SUSD6: variants seen among roughly 807,000 people sequenced by gnomAD.
The protein encoded by SUSD6 is sushi domain containing 6, also known as sushi domain-containing protein 6.
SUSD6 carries 16 observed loss-of-function variants against 28.4 expected under a neutral mutation model. That is an observed-to-expected ratio of 0.56 (90% CI 0.38 to 0.86). SUSD6 has a LOEUF of 0.86. Ranked by LOEUF, SUSD6 falls within the 40% of genes least tolerant of loss-of-function variation. SUSD6 has a pLI of 0.00. For synonymous variants in SUSD6, 147 were observed against 159.6 expected, an observed-to-expected ratio of 0.92 and a Z score of 0.59; for missense variants, 341 against 384.2, an observed-to-expected ratio of 0.89 and a Z score of 0.94.
chr14:69,647,594 A>G (rs1170507959), intron 1 of SUSD6, among the ~76,000 whole-genome samples: 1 of 152,044 alleles, frequency 6.6e-6, no homozygotes, highest in Non-Finnish European at 1.5e-5. Flanking sequence ...AAGGCTGAGG[A>G]TGTGTATTTA....
chr14:69,678,823 CAAAAG>C (rs1172657772), intron 2 of SUSD6, among the ~76,000 whole-genome samples: 2 of 152,068 alleles, frequency 1.3e-5, no homozygotes, highest in East Asian at 3.8e-4. Context: ...AAATAGTTAA[CAAAAG>C]AAAAGAAGTT....
At position 69,708,769 on chromosome 14, in the gene SUSD6, G is replaced by C. The variant is rs760114005; in HGVS notation, c.551G>C (p.Ser184Thr). ...LPSYEEAVYG[S>T]SGHCVPPADP... is the part of the protein sequence containing the mutation. The stretch of plus-strand genomic sequence containing the variant: ...TCATACGAGGAGGCTGTATATGGCA[G>C]TTCTGGTCACTGTGTGCCACCTGCT... Residue 184 changes from serine (S) to threonine (T), a missense_variant, in exon 5 of 6, where the codon AGT (serine) becomes ACT (threonine). Transcript: ENST00000342745. 1.2e-6 allele frequency: 2 copies of C among 1,614,206 alleles called. No individual in the cohort carries two copies. Among genetic ancestry groups the C allele is most frequent in the Non-Finnish European group, 1.7e-6 (2 of 1,180,038 alleles).
At chr14:69,671,212 A>G (rs1444118165) in intron 2 of SUSD6, among the ~76,000 whole-genome samples, 1 of 152,200 alleles carries the variant, frequency 6.6e-6, no homozygotes, top group African/African-American at 2.4e-5. Context: ...GAAAAAACAA[A>G]CTCTAGCTAA....
chr14:69,692,769 C>T (rs1886170807), intron 2 of SUSD6, among the ~76,000 whole-genome samples: 1 of 152,142 alleles, frequency 6.6e-6, no homozygotes, highest in South Asian at 2.1e-4. Flanking sequence ...AAGAGTCCAA[C>T]CCTGTTTTAA....
chr14:69,678,823 C>T (rs986914045), intron 2 of SUSD6, among the ~76,000 whole-genome samples: 1 of 152,068 alleles, frequency 6.6e-6, no homozygotes, highest in African/African-American at 2.4e-5. Flanking sequence ...AAATAGTTAA[C>T]AAAAGAAAAG....
At chr14:69,706,967 C>T (rs1429417918) in intron 4 of SUSD6, among the ~76,000 whole-genome samples, 1 of 151,666 alleles carries the variant, frequency 6.6e-6, no homozygotes, top group African/African-American at 2.4e-5. Flanking sequence ...TTAGACAAGT[C>T]CAGATTGTGG....
At chr14:69,661,745 G>T (rs770482799) in intron 2 of SUSD6, among the ~76,000 whole-genome samples, 1 of 152,190 alleles carries the variant, frequency 6.6e-6, no homozygotes, top group Non-Finnish European at 1.5e-5. Flanking sequence ...CTCTGAAGCC[G>T]AGGAAAGGCA....
intron 1 of SUSD6, among the ~76,000 whole-genome samples, chr14:69,612,459 C>A (rs966380849): frequency 4.0e-5 from 6 of 151,878 alleles, no homozygotes; most frequent in Admixed American, 6.6e-5. Flanking sequence ...TACAGACTTT[C>A]CTTTTTTCGC....
intron 1 of SUSD6, among the ~76,000 whole-genome samples, chr14:69,646,488 G>A (rs1885427832): frequency 6.6e-6 from 1 of 152,000 alleles, no homozygotes; most frequent in South Asian, 2.1e-4. Flanking sequence ...GTGCTCTATA[G>A]GGTTTCACAT....
Position 69,658,556 on chromosome 14 carries a change from A to C in SUSD6, c.-37A>C. The C allele has an allele frequency of 6.2e-7, 1 of 1,611,540 alleles. No homozygotes were observed. Among genetic ancestry groups the C allele is most frequent in the Non-Finnish European group, 8.5e-7 (1 of 1,178,564 alleles). On this transcript the variant is annotated 5_prime_UTR_variant, in exon 2 of 6. Transcript: ENST00000342745. The stretch of plus-strand genomic sequence containing the variant: ...GACTTTAGGATTCTTCTGGATTTTA[A>C]ATTTTTTCTTTTTAAAAAAACTTGG...
At chr14:69,701,617 G>A (rs183400451) in intron 2 of SUSD6, among the ~76,000 whole-genome samples, 4 of 152,276 alleles carry the variant, frequency 2.6e-5, no homozygotes, top group Admixed American at 2.0e-4. Flanking sequence ...AAGAGCACCA[G>A]AAGGAGTGTT....
chr14:69,637,632 C>T (rs529816260), intron 1 of SUSD6, among the ~76,000 whole-genome samples: 1 of 152,142 alleles, frequency 6.6e-6, no homozygotes, highest in Non-Finnish European at 1.5e-5. Context: ...GTGATGTTGC[C>T]ATCCCCACCC....
chr14:69,678,841 T>TA (rs972608230), intron 2 of SUSD6, among the ~76,000 whole-genome samples: 31 of 152,162 alleles, frequency 2.0e-4, no homozygotes, highest in Non-Finnish European at 3.7e-4. Context: ...AAGAAGTTGT[T>TA]AAAAAAACAA....
chr14:69,704,613 C>A lies in SUSD6; in HGVS notation c.329C>A (p.Thr110Asn), dbSNP rs769480979. The change falls in exon 4 of 6, where the codon ACC (threonine) becomes AAC (asparagine). Residue 110 changes from threonine (T) to asparagine (N), a missense_variant. Coordinates refer to ENST00000342745, the MANE Select transcript of SUSD6 (RefSeq NM_014734.4). ...ISCRLNEDKD[T>N]HTSLGVPTLS... ...TGGCTTGTTTTTATAGATAAAGACACCCACACATCACTTGGGGTCCCCACG... is the reference window on the plus strand; with the variant it reads ...TGGCTTGTTTTTATAGATAAAGACAACCACACATCACTTGGGGTCCCCACG... 15 of 1,612,780 alleles carry A rather than the reference C, an allele frequency of 9.3e-6. No homozygotes were observed. The South Asian group carries it at 1.6e-4, about 18-fold the overall frequency.
At chr14:69,650,256 G>T (rs758545421) in intron 1 of SUSD6, among the ~76,000 whole-genome samples, 2 of 152,140 alleles carry the variant, frequency 1.3e-5, no homozygotes, top group African/African-American at 2.4e-5. Context: ...ACAGGAAGGG[G>T]CTTAGCCAGC....
intron 2 of SUSD6, among the ~76,000 whole-genome samples, chr14:69,665,478 C>G (rs987418647): frequency 2.0e-5 from 3 of 152,172 alleles, no homozygotes; most frequent in African/African-American, 7.2e-5. Flanking sequence ...GTCTTGAACT[C>G]CTGGGCTCAA....
chr14:69,676,145 G>A (rs574417510), intron 2 of SUSD6, among the ~76,000 whole-genome samples: 1 of 152,256 alleles, frequency 6.6e-6, no homozygotes, highest in Non-Finnish European at 1.5e-5. Flanking sequence ...AGAAAGAAGA[G>A]AATTAACCCT....
chr14:69,663,639 A>G (rs924210861), intron 2 of SUSD6, among the ~76,000 whole-genome samples: 1 of 152,208 alleles, frequency 6.6e-6, no homozygotes, highest in Admixed American at 6.5e-5. Context: ...AGAACACCCC[A>G]GCTAGGCAGT....
chr14:69,704,616 A>G lies in SUSD6; in HGVS notation c.332A>G (p.His111Arg). 3 of 1,613,286 alleles carry G rather than the reference A, an allele frequency of 1.9e-6. No homozygotes were observed. Among genetic ancestry groups the G allele is most frequent in the Non-Finnish European group, 2.5e-6 (3 of 1,179,748 alleles). The change falls in exon 4 of 6, where the codon CAC becomes CGC. Residue 111 changes from histidine to arginine, a missense_variant. By Grantham distance (29) the His-to-Arg change is conservative. Coordinates refer to ENST00000342745, the MANE Select transcript of SUSD6 (RefSeq NM_014734.4). ...CTTGTTTTTATAGATAAAGACACCC[A>G]CACATCACTTGGGGTCCCCACGCTG... ...SCRLNEDKDTHTSLGVPTLSI... is the reference protein window; with the variant it reads ...SCRLNEDKDTRTSLGVPTLSI...
Sources: allele counts gnomAD v4.1 joint callset (sites outside exome capture counted in the v4.1 genomes callset), GRCh38; gene constraint gnomAD v4.1.1; transcripts MANE v1.5; gene names NCBI Gene and HGNC (gene_info 2026-07-23, HGNC 2026-07-21).